YTHDF3: variants seen among roughly 807,000 people sequenced by gnomAD.
The protein encoded by YTHDF3 is YTH domain-containing family protein 3.
Under a neutral mutation model 52.5 loss-of-function variants are expected in YTHDF3, and 9 were observed. The ratio of observed to expected loss-of-function variants is 0.17; its 90% CI spans 0.10 to 0.30. YTHDF3 has a LOEUF of 0.30. YTHDF3 is among the 10% of genes least tolerant of loss of function. The pLI, the probability that YTHDF3 is intolerant of heterozygous loss-of-function variation, is 1.00. For synonymous variants in YTHDF3, 274 were observed against 243.3 expected (o/e 1.13, Z -1.18); for missense variants, 534 against 715.0 (o/e 0.75, Z 2.89).
chr8:63,168,955 C>T (rs1807078061), intron 1 of YTHDF3, 54 bp downstream of exon 1: 7 of 1,542,906 alleles, frequency 4.5e-6, no homozygotes, highest in Non-Finnish European at 5.2e-6. Context: ...GGAGCTCCAC[C>T]CTCGCGCGGG....
intron 4 of YTHDF3, among the ~76,000 whole-genome samples, chr8:63,189,764 G>A (rs550592531): frequency 5.8e-4 from 89 of 152,290 alleles, no homozygotes; most frequent in Admixed American, 2.9e-3. Flanking sequence ...AACTTGCAGT[G>A]TACTTTTTAA....
At chr8:63,196,687 T>C (rs889885442) in intron 4 of YTHDF3, among the ~76,000 whole-genome samples, 1 of 152,056 alleles carries the variant, frequency 6.6e-6, no homozygotes, top group African/African-American at 2.4e-5. Context: ...CCCTGGATAC[T>C]CAAATTTAAA....
intron 3 of YTHDF3, among the ~76,000 whole-genome samples, chr8:63,179,675 C>G (rs930033906): frequency 7.2e-5 from 11 of 152,368 alleles, no homozygotes; most frequent in East Asian, 3.9e-4. Flanking sequence ...ACCCCTCCCC[C>G]CTTTCTATTC....
intron 2 of YTHDF3, chr8:63,173,531 T>A (rs1480243980): frequency 2.7e-6 from 1 of 371,594 alleles, no homozygotes; most frequent in Non-Finnish European, 3.7e-6. Context: ...ATATGAGAGA[T>A]AGTTAGTCAT....
rs1554540538 is a variant in YTHDF3 at position 63,204,355 on chromosome 8, T to TTTG, written c.1735-5322_1735-5320dup. The stretch of plus-strand genomic sequence containing the variant: ...TCTTAGCTACAAATTTTTTTGTGTG[T>TTTG]TTGTTGTTTTTTTTTTTTTTTTTGA... On this transcript the variant is annotated intron_variant, in intron 4 of 4. Coordinates refer to ENST00000539294, the MANE Select transcript of YTHDF3 (RefSeq NM_152758.6). 4.9e-3 allele frequency among the ~76,000 whole-genome samples: 748 copies of TTTG among 151,320 alleles called. 6 individuals carry two copies. Among genetic ancestry groups the TTTG allele is most frequent in the African/African-American group, 0.018 (727 of 41,192 alleles).
intron 4 of YTHDF3, among the ~76,000 whole-genome samples, chr8:63,199,650 G>A (rs1809471666): frequency 6.6e-6 from 1 of 152,188 alleles, no homozygotes; most frequent in Non-Finnish European, 1.5e-5. Flanking sequence ...AGGTATGTGT[G>A]TCCAAGGAAA....
At chr8:63,174,115 A>G (rs1807528960) in intron 2 of YTHDF3, among the ~76,000 whole-genome samples, 1 of 152,234 alleles carries the variant, frequency 6.6e-6, no homozygotes, top group Non-Finnish European at 1.5e-5. Flanking sequence ...GTTATATTAC[A>G]GAGGAATACG....
At chr8:63,203,894 T>C (rs1195479297) in intron 4 of YTHDF3, among the ~76,000 whole-genome samples, 1 of 152,248 alleles carries the variant, frequency 6.6e-6, no homozygotes, top group African/African-American at 2.4e-5. Flanking sequence ...AGAAGTGATG[T>C]ATCCTCTTCA....
rs1266582037 is a variant in YTHDF3, at chr8:63,186,158, T to C, written c.147T>C (p.Tyr49=). Residue 49 remains tyrosine (Y), a synonymous_variant, in exon 4 of 5, where the codon TAT becomes TAC. Transcript: ENST00000539294. ...LSSQTNQSNS[Y]PPMSDPYMPS... is the part of the protein sequence containing the mutation. Reference sequence around the variant, plus strand: ...ATTTTGTTTTGCAGAGTAACAGCTATCCACCAATGTCAGATCCATACATGC... The same window carrying C: ...ATTTTGTTTTGCAGAGTAACAGCTACCCACCAATGTCAGATCCATACATGC... The C allele has an allele frequency of 6.2e-6, 10 of 1,607,888 alleles. No homozygotes were observed. Among genetic ancestry groups the C allele is most frequent in the South Asian group, 4.4e-5 (4 of 90,834 alleles).
At chr8:63,172,326 T>G (rs2129964547) in intron 2 of YTHDF3, among the ~76,000 whole-genome samples, 1 of 152,312 alleles carries the variant, frequency 6.6e-6, no homozygotes, top group African/African-American at 2.4e-5. Flanking sequence ...ACTGCCTCCT[T>G]TCTCCTCTAA....
At chr8:63,168,569 G>T (rs1228774718), upstream of YTHDF3, 2 of 522,832 alleles carry the variant, frequency 3.8e-6, no homozygotes, top group Non-Finnish European at 6.8e-6. Context: ...AGCGAGGTGA[G>T]CGCGGACGTC....
Position 63,186,152 on chromosome 8 carries a change from C to T in YTHDF3, c.141C>T (p.Asn47=), listed in dbSNP as rs1208192595. 2 of 1,605,076 alleles carry T rather than the reference C, an allele frequency of 1.2e-6. No individual in the cohort carries two copies. The highest frequency in any genetic ancestry group is 1.7e-5 in the Admixed American group (1 of 59,668). ...TGTGATATTTTGTTTTGCAGAGTAA[C>T]AGCTATCCACCAATGTCAGATCCAT... ...PYLSSQTNQS[N]SYPPMSDPYM... The change falls in exon 4 of 5, where the codon AAC becomes AAT. Residue 47 remains asparagine, a synonymous_variant. Transcript: ENST00000539294.
At chr8:63,194,134 A>G (rs1392616585) in intron 4 of YTHDF3, among the ~76,000 whole-genome samples, 1 of 152,196 alleles carries the variant, frequency 6.6e-6, no homozygotes, top group African/African-American at 2.4e-5. Flanking sequence ...AACTGTAGTT[A>G]GATGCGAAAG....
chr8:63,207,676 C>A lies in YTHDF3; in HGVS notation c.1735-2007C>A, dbSNP rs543455349. 2.6e-5 allele frequency among the ~76,000 whole-genome samples: 4 copies of A among 152,134 alleles called. No homozygotes were observed. In the South Asian group the frequency reaches 8.3e-4, roughly 31 times the overall value. On this transcript the variant is annotated intron_variant, in intron 4 of 4. Transcript: ENST00000539294. ...GCATAACATGTGGTCCTCATTGTTA[C>A]AACCGATCATCTCACTGGCATTAAA...
chr8:63,209,014 C>T (rs1810212897), intron 4 of YTHDF3, among the ~76,000 whole-genome samples: 1 of 152,026 alleles, frequency 6.6e-6, no homozygotes, highest in Non-Finnish European at 1.5e-5. Context: ...ATTACAGGCA[C>T]CCGCCACCAC....
intron 4 of YTHDF3, among the ~76,000 whole-genome samples, chr8:63,205,709 C>T (rs559522502): frequency 2.0e-5 from 3 of 152,320 alleles, no homozygotes; most frequent in African/African-American, 7.2e-5. Flanking sequence ...GCTGGTATTA[C>T]AGGCGTGAGC....
chr8:63,195,128 T>C (rs1005260613), intron 4 of YTHDF3, among the ~76,000 whole-genome samples: 1 of 152,228 alleles, frequency 6.6e-6, no homozygotes, highest in Non-Finnish European at 1.5e-5. Flanking sequence ...ACTTGGAATG[T>C]CAGGCCCTCT....
Position 63,186,202 on chromosome 8 carries a change from C to A in YTHDF3, c.191C>A (p.Ser64Tyr). ...DPYMPSYYAP[S>Y]IGFPYSLGEA... ...TACATGCCTAGTTACTATGCTCCAT[C>A]CATTGGATTTCCATATTCTCTTGGG... Residue 64 changes from serine (S) to tyrosine (Y), a missense_variant, in exon 4 of 5, where the codon TCC (serine) becomes TAC (tyrosine). Ser to Tyr is a moderately radical substitution (Grantham distance 144). Around this residue, in one of 3 missense-constraint regions of YTHDF3, gnomAD observed 196 missense variants for 299.5 expected, o/e 0.65. Transcript: ENST00000539294. The A allele has an allele frequency of 6.2e-7, 1 of 1,614,004 alleles. No individual in the cohort carries two copies. The highest frequency in any genetic ancestry group is 8.5e-7 in the Non-Finnish European group (1 of 1,179,884).
chr8:63,194,536 AAT>A (rs1226208490), intron 4 of YTHDF3, among the ~76,000 whole-genome samples: 1 of 152,190 alleles, frequency 6.6e-6, no homozygotes, highest in Non-Finnish European at 1.5e-5. Flanking sequence ...GGGGAATAAG[AAT>A]ATGTGAAACA....
Sources: gnomAD v4.1 joint callset for allele counts (sites outside exome capture counted in the v4.1 genomes callset) on GRCh38, gnomAD v4.1.1 for gene constraint, gnomAD v4.1.1 regional missense constraint, MANE v1.5 for transcripts, NCBI Gene and HGNC (gene_info 2026-07-23, HGNC 2026-07-21) for gene names.